The following GASK1A variants were observed in gnomAD, a reference collection of about 807,000 sequenced individuals.
GASK1A encodes the protein golgi associated kinase 1A, also known as Golgi-associated kinase 1A.
In GASK1A, 40 loss-of-function variants were observed where a neutral mutation model predicts 41.2. That is an observed-to-expected ratio of 0.97 (90% CI 0.75 to 1.27). The LOEUF (loss-of-function observed/expected upper bound fraction) is 1.27. Among genes scored for constraint, GASK1A ranks in the 50% most tolerant of loss-of-function variants. The pLI is 0.00. For missense variants in GASK1A, 678 were observed against 745.1 expected (o/e 0.91, Z 1.05); for synonymous variants, 316 against 307.1 (o/e 1.03, Z -0.30).
chr3:43,011,159 A>G (rs1331901052), intron 1 of GASK1A, among the ~76,000 whole-genome samples: 1 of 152,294 alleles, frequency 6.6e-6, no homozygotes, highest in East Asian at 1.9e-4. Context: ...CGAGGTGGGC[A>G]GATCACGAGG....
chr3:42,982,700 G>A (rs1348119921), intron 1 of GASK1A, among the ~76,000 whole-genome samples: 1 of 152,220 alleles, frequency 6.6e-6, no homozygotes, highest in Non-Finnish European at 1.5e-5. Context: ...CAGCTAAGTG[G>A]AAATCAGAAA....
intron 2 of GASK1A, among the ~76,000 whole-genome samples, chr3:43,053,156 G>A (rs2089698930): frequency 6.6e-6 from 1 of 152,200 alleles, no homozygotes; most frequent in Admixed American, 6.5e-5. Flanking sequence ...AGCATTTGCT[G>A]CTTAAAGAAA....
intron 2 of GASK1A, among the ~76,000 whole-genome samples, chr3:43,048,722 G>A (rs1363880955): frequency 2.0e-5 from 3 of 152,162 alleles, no homozygotes; most frequent in Admixed American, 6.5e-5. Context: ...CAGCACATTT[G>A]CCTGCTGCAT....
chr3:43,027,364 A>G (rs2089551559), intron 1 of GASK1A, among the ~76,000 whole-genome samples: 1 of 152,356 alleles, frequency 6.6e-6, no homozygotes, highest in East Asian at 1.9e-4. Flanking sequence ...GTATGACACA[A>G]ATATAAACAA....
chr3:43,051,956 A>C (rs2089693432), intron 2 of GASK1A, among the ~76,000 whole-genome samples: 1 of 152,174 alleles, frequency 6.6e-6, no homozygotes, highest in Admixed American at 6.5e-5. Flanking sequence ...CAGAGTGTCC[A>C]ATCTAGGTCT....
intron 2 of GASK1A, among the ~76,000 whole-genome samples, chr3:43,049,162 C>G (rs112229606): frequency 6.6e-6 from 1 of 152,070 alleles, no homozygotes; most frequent in African/African-American, 2.4e-5. Context: ...GATTGATTCT[C>G]TTACAGGAAA....
intron 2 of GASK1A, among the ~76,000 whole-genome samples, chr3:43,037,840 G>A (rs1016529915): frequency 6.6e-6 from 1 of 152,126 alleles, no homozygotes; most frequent in African/African-American, 2.4e-5. Flanking sequence ...GGCACCATAT[G>A]TATGCCATTA....
At chr3:42,982,433 A>G (rs1458047759) in intron 1 of GASK1A, among the ~76,000 whole-genome samples, 1 of 152,214 alleles carries the variant, frequency 6.6e-6, no homozygotes, top group Admixed American at 6.5e-5. Context: ...CTCTTTGAGT[A>G]TTATTTTAAA....
Position 43,032,558 on chromosome 3 carries a change from G to T in GASK1A, c.295G>T (p.Ala99Ser), listed in dbSNP as rs1380496253. 6 of 1,550,436 alleles carry T rather than the reference G, an allele frequency of 3.9e-6. No individual in the cohort carries two copies. Among genetic ancestry groups the T allele is most frequent in the Non-Finnish European group, 3.5e-6 (4 of 1,145,916 alleles). Reference protein sequence around the residue: ...LVCAEEQGHRARVDRSRESPG... With the variant: ...LVCAEEQGHRSRVDRSRESPG... ...CTGTGCTGAGGAGCAAGGCCATAGA[G>T]CAAGAGTGGACAGAAGCAGGGAGTC... The change falls in exon 2 of 5, where the codon GCA (alanine) becomes TCA (serine). Residue 99 changes from alanine (A) to serine (S), a missense_variant. Coordinates refer to ENST00000430121, the MANE Select transcript of GASK1A (RefSeq NM_001129908.3).
At chr3:42,979,707 G>T (rs897164462) in intron 1 of GASK1A, 62 bp downstream of exon 1, 18 of 1,243,136 alleles carry the variant, frequency 1.4e-5, no homozygotes, top group Non-Finnish European at 1.7e-5. Context: ...ACAGGTGGCT[G>T]CAGTCAACGC....
chr3:42,989,087 CA>C (rs1257506251), intron 1 of GASK1A, among the ~76,000 whole-genome samples: 1 of 152,148 alleles, frequency 6.6e-6, no homozygotes, highest in African/African-American at 2.4e-5. Flanking sequence ...GCCGTAATTT[CA>C]AAAAGTGCAG....
rs2089711635 is a variant in GASK1A at position 43,055,477 on chromosome 3, G to A, written c.1459G>A (p.Gly487Ser). 6.4e-7 allele frequency: 1 copy of A among 1,551,896 alleles called. No individual in the cohort carries two copies. Among genetic ancestry groups the A allele is most frequent in the African/African-American group, 1.4e-5 (1 of 73,164 alleles). Residue 487 changes from glycine (G) to serine (S), a missense_variant, in exon 4 of 5, where the codon GGC becomes AGC. Gly to Ser is a moderately conservative substitution (Grantham distance 56). Transcript: ENST00000430121. ...TCACCTGGTCTACATCGATAACGCT[G>A]GCAACCTTCAGCACCCTGAGGACAA... ...PSHLVYIDNA[G>S]NLQHPEDKLN... is the part of the protein sequence containing the mutation.
chr3:43,001,256 A>G (rs1416450061), intron 1 of GASK1A, among the ~76,000 whole-genome samples: 2 of 152,088 alleles, frequency 1.3e-5, no homozygotes, highest in African/African-American at 4.8e-5. Context: ...ACGTCATGAC[A>G]CAAGGGAAGG....
rs537572543 is a variant in GASK1A, at chr3:43,032,382, C to A, written c.119C>A (p.Ala40Asp). The A allele has an allele frequency of 6.4e-7, 1 of 1,551,656 alleles. No individual in the cohort carries two copies. The highest frequency in any genetic ancestry group is 2.4e-5 in the East Asian group (1 of 40,916). ...VTRFPPQRPS[A>D]GPDPGPMEPQ... The stretch of plus-strand genomic sequence containing the variant: ...CGCTTTCCCCCACAGCGTCCATCCG[C>A]CGGCCCAGACCCTGGTCCCATGGAG... The change falls in exon 2 of 5, where the codon GCC becomes GAC. Residue 40 changes from alanine (A) to aspartate (D), a missense_variant. Ala to Asp is a moderately radical substitution (Grantham distance 126). Coordinates refer to ENST00000430121, the MANE Select transcript of GASK1A (RefSeq NM_001129908.3).
chr3:43,043,047 A>C (rs2089645591), intron 2 of GASK1A, among the ~76,000 whole-genome samples: 2 of 152,222 alleles, frequency 1.3e-5, no homozygotes, highest in East Asian at 3.8e-4. Context: ...GTATGGGAGC[A>C]GCCTGCCACC....
intron 3 of GASK1A, among the ~76,000 whole-genome samples, chr3:43,054,988 A>G (rs888398728): frequency 5.9e-5 from 9 of 152,132 alleles, no homozygotes; most frequent in African/African-American, 1.7e-4. Context: ...GGAGCAGGCT[A>G]CCTTGGCAAC....
rs756437012 is a variant in GASK1A at position 42,984,984 on chromosome 3, C to G, written c.3+5339C>G. ...AGGTTGTAAATTGACTGTTATCTCT[C>G]GAGGCAAGCTCCTGGTGGAAGGTAG... On this transcript the variant is annotated intron_variant, in intron 1 of 4. Coordinates refer to ENST00000430121, the MANE Select transcript of GASK1A (RefSeq NM_001129908.3). This position sits in a 1 kb window ranked among gnomAD's most constrained non-coding sequence, Gnocchi z 4.2. Among the ~76,000 whole-genome samples the G allele has an allele frequency of 1.8e-4, 28 of 151,994 alleles. No individual in the cohort carries two copies. The highest frequency in any genetic ancestry group is 1.8e-3 in the Admixed American group (28 of 15,266).
Position 43,033,420 on chromosome 3 carries a change from ACT to A in GASK1A, c.1162_1163del (p.Leu388GlyfsTer57). On this transcript the variant is annotated frameshift_variant, in exon 2 of 5. Transcript: ENST00000430121. LOFTEE classifies it high-confidence loss of function. ...CTGAGCGACCCAGATGAGGATCAGA[ACT>A]CTCTGGCCTTGGGCTGGCTGCAGTA... 1 of 1,551,438 alleles carries A rather than the reference ACT, an allele frequency of 6.4e-7. No homozygotes were observed. The highest frequency in any genetic ancestry group is 8.7e-7 in the Non-Finnish European group (1 of 1,146,972).
intron 2 of GASK1A, among the ~76,000 whole-genome samples, chr3:43,033,830 G>A (rs987192090): frequency 1.3e-5 from 2 of 152,160 alleles, no homozygotes; most frequent in African/African-American, 4.8e-5. Context: ...TTAAGTTGTA[G>A]AAACAATAAA....
Sources: gnomAD v4.1 joint callset for allele counts (sites outside exome capture counted in the v4.1 genomes callset) on GRCh38, gnomAD v4.1.1 for gene constraint, Gnocchi (gnomAD v3.1) non-coding constraint, MANE v1.5 for transcripts, NCBI Gene and HGNC (gene_info 2026-07-23, HGNC 2026-07-21) for gene names.